Variants in ZNG1E observed in about 807,000 individuals in gnomAD.
The protein encoded by ZNG1E is zinc-regulated GTPase metalloprotein activator 1E.
the ZNG1E span, among the ~76,000 whole-genome samples, chr9:65,662,505 G>T: frequency 6.6e-6 from 1 of 152,022 alleles, no homozygotes; most frequent in Non-Finnish European, 1.5e-5. Flanking sequence ...ACAGTGAAGG[G>T]TATATGGGAA....
the ZNG1E span, among the ~76,000 whole-genome samples, chr9:65,687,467 G>A: frequency 2.0e-5 from 3 of 152,210 alleles, no homozygotes; most frequent in Non-Finnish European, 2.9e-5. Context: ...GGATTACTTG[G>A]CTAGGTATAA....
chr9:65,703,664 A>G, the ZNG1E span: 2 of 948,246 alleles, frequency 2.1e-6, no homozygotes, highest in Non-Finnish European at 2.4e-6. Flanking sequence ...GGCAGCCAGG[A>G]GCTCTGAGGC....
the ZNG1E span, among the ~76,000 whole-genome samples, chr9:65,683,915 A>T: frequency 6.6e-6 from 1 of 152,294 alleles, no homozygotes; most frequent in Non-Finnish European, 1.5e-5. Context: ...AGAAAGAAAA[A>T]TATATTGTAT....
chr9:65,685,044 A>T, the ZNG1E span, among the ~76,000 whole-genome samples: 33 of 7,280 alleles, frequency 4.5e-3, no homozygotes, highest in African/African-American at 0.014. Context: ...CCCATTTCTT[A>T]AAAAAAAAAA....
chr9:65,678,571 A>G, the ZNG1E span, among the ~76,000 whole-genome samples: 22 of 147,644 alleles, frequency 1.5e-4, no homozygotes, highest in Non-Finnish European at 3.0e-4. Flanking sequence ...TGATATAGTC[A>G]TACAGTTGAA....
the ZNG1E span, among the ~76,000 whole-genome samples, chr9:65,665,177 C>A: frequency 2.0e-5 from 3 of 152,276 alleles, no homozygotes; most frequent in African/African-American, 7.2e-5. Flanking sequence ...ATCCCCAAGA[C>A]AATGGGGAAA....
chr9:65,688,314 AT>A, the ZNG1E span: 6 of 118,366 alleles, frequency 5.1e-5, no homozygotes, highest in African/African-American at 8.9e-5. Flanking sequence ...TACAAACTGC[AT>A]TTTCATCTTA....
the ZNG1E span, among the ~76,000 whole-genome samples, chr9:65,672,271 G>T: frequency 6.6e-6 from 1 of 151,760 alleles, no homozygotes; most frequent in Non-Finnish European, 1.5e-5. Flanking sequence ...TACTATTGTT[G>T]TTGTTGTTGT....
the ZNG1E span, chr9:65,720,010 A>G: frequency 2.5e-6 from 4 of 1,598,772 alleles, no homozygotes; most frequent in South Asian, 1.1e-5. Flanking sequence ...GAAGTGTATT[A>G]ATCTCTGAAT....
At chr9:65,715,577 TAAC>T in the ZNG1E span, among the ~76,000 whole-genome samples, 5 of 136,576 alleles carry the variant, frequency 3.7e-5, no homozygotes, top group African/African-American at 1.2e-4. Context: ...TCTACCCTCT[TAAC>T]AATTTTTTAA....
the ZNG1E span, among the ~76,000 whole-genome samples, chr9:65,662,368 A>C: frequency 1.3e-5 from 2 of 152,260 alleles, no homozygotes; most frequent in Non-Finnish European, 2.9e-5. Context: ...GCCCAGAAAC[A>C]GGTCTTCGGT....
the ZNG1E span, among the ~76,000 whole-genome samples, chr9:65,663,676 A>G: frequency 6.6e-6 from 1 of 151,810 alleles, no homozygotes; most frequent in Non-Finnish European, 1.5e-5. Context: ...TATGTAGGAT[A>G]AATCCCTATC....
the ZNG1E span, chr9:65,703,546 T>C: frequency 2.1e-6 from 2 of 965,352 alleles, no homozygotes; most frequent in African/African-American, 4.1e-5. Flanking sequence ...GTTATCTTAA[T>C]TTCAGAAAAT....
the ZNG1E span, among the ~76,000 whole-genome samples, chr9:65,665,349 C>T: frequency 1.3e-5 from 2 of 152,272 alleles, no homozygotes; most frequent in Admixed American, 1.3e-4. Flanking sequence ...TGAAAGGAGC[C>T]AAAGTACAGC....
At chr9:65,671,214 T>C in the ZNG1E span, among the ~76,000 whole-genome samples, 1 of 151,032 alleles carries the variant, frequency 6.6e-6, no homozygotes, top group Admixed American at 6.6e-5. Context: ...TTGACATCAC[T>C]TTTTATCATC....
At chr9:65,727,482 C>T in the ZNG1E span, among the ~76,000 whole-genome samples, 2 of 128,344 alleles carry the variant, frequency 1.6e-5, no homozygotes, top group Non-Finnish European at 3.2e-5. Flanking sequence ...ATTCACCAAC[C>T]AACTATCTGT....
chr9:65,686,910 T>C, the ZNG1E span, among the ~76,000 whole-genome samples: 1 of 152,238 alleles, frequency 6.6e-6, no homozygotes, highest in African/African-American at 2.4e-5. Flanking sequence ...AGGCTTTGGC[T>C]TAAGGGAACA....
chr9:65,666,251 C>G, the ZNG1E span, among the ~76,000 whole-genome samples: 112 of 150,450 alleles, frequency 7.4e-4, no homozygotes, highest in African/African-American at 2.6e-3. Context: ...TGGGAGGTAA[C>G]TGAATCATGG....
chr9:65,698,847 C>A, the ZNG1E span, among the ~76,000 whole-genome samples: 6 of 140,132 alleles, frequency 4.3e-5, no homozygotes, highest in East Asian at 1.2e-3. Flanking sequence ...TCTTGTTATA[C>A]AATTTCTTTG....
Sources: gnomAD v4.1 joint callset for allele counts (sites outside exome capture counted in the v4.1 genomes callset) on GRCh38, gnomAD v4.1.1 for gene constraint, MANE v1.5 for transcripts, NCBI Gene and HGNC (gene_info 2026-07-23, HGNC 2026-07-21) for gene names.